The following PAN3 variants were observed in gnomAD, a reference collection of about 807,000 sequenced individuals.
PAN3 encodes the protein PAN2-PAN3 deadenylation complex subunit PAN3.
A neutral mutation model predicts 96.2 loss-of-function variants in PAN3; 19 were observed. That is an observed-to-expected ratio of 0.20 (90% confidence interval 0.14 to 0.29). PAN3 has a LOEUF of 0.29. PAN3 is among the 10% of genes least tolerant of loss of function. The pLI is 1.00. For missense variants in PAN3, 882 were observed against 1,108.1 expected (o/e 0.80, Z 2.90); for synonymous variants, 433 against 406.6 (o/e 1.06, Z -0.78).
At chr13:28,253,530 C>T (rs1358707977) in intron 6 of PAN3, among the ~76,000 whole-genome samples, 1 of 150,712 alleles carries the variant, frequency 6.6e-6, no homozygotes, top group South Asian at 2.1e-4. Context: ...TCCTATTATC[C>T]TTATTGGCGG....
chr13:28,181,504 CAAAAAAAAAAAAA>C (rs894039087), intron 4 of PAN3, among the ~76,000 whole-genome samples: 1 of 57,268 alleles, frequency 1.7e-5, no homozygotes, highest in East Asian at 6.1e-4. Flanking sequence ...AACCCTGTCT[CAAAAAAAAAAAAA>C]AAAAAAAAAA....
intron 5 of PAN3, among the ~76,000 whole-genome samples, chr13:28,210,986 C>T (rs956805555): frequency 6.6e-6 from 1 of 152,042 alleles, no homozygotes; most frequent in African/African-American, 2.4e-5. Context: ...CTCACTGCAG[C>T]CTTCACCTCC....
In PAN3 at chr13:28,197,172, T is replaced by G. The variant is rs376399343; in HGVS notation, c.691-13T>G. 40 of 1,609,824 alleles carry G rather than the reference T, an allele frequency of 2.5e-5. No homozygotes were observed. Among genetic ancestry groups the G allele is most frequent in the Admixed American group, 5.0e-5 (3 of 59,408 alleles). On this transcript the variant is annotated splice_polypyrimidine_tract_variant and intron_variant, in intron 4 of 18. Transcript: ENST00000380958. ...GTTAGGAGTGGCCTGGTTTCTTTCC[T>G]TCTTTTTCCTAGCCAAGGAAGTATC...
In PAN3 at chr13:28,152,917, G is replaced by T. The variant is rs953976702; in HGVS notation, c.430+13830G>T. On this transcript the variant is annotated intron_variant, in intron 1 of 18. Coordinates refer to ENST00000380958, the MANE Select transcript of PAN3 (RefSeq NM_175854.8). The stretch of plus-strand genomic sequence containing the variant: ...TGATACCTAGTGTTTGTGTGGGTAT[G>T]GGGGGGAAAAGACACTCTGGTATGA... Among the ~76,000 whole-genome samples the T allele has an allele frequency of 2.0e-5, 3 of 152,060 alleles. No individual in the cohort carries two copies. The East Asian group carries it at 5.8e-4, about 29-fold the overall frequency.
At chr13:28,199,611 G>A (rs1272420426) in intron 5 of PAN3, among the ~76,000 whole-genome samples, 1 of 152,080 alleles carries the variant, frequency 6.6e-6, no homozygotes, top group Non-Finnish European at 1.5e-5. Flanking sequence ...TACTGTCTGT[G>A]TAGATTCCAA....
chr13:28,267,426 A>G (rs1209080670), intron 12 of PAN3, 25 bp downstream of exon 12: 3 of 1,546,770 alleles, frequency 1.9e-6, no homozygotes, highest in East Asian at 4.5e-5. Flanking sequence ...CAGGCAAACT[A>G]TATTTTGACT....
At position 28,141,398 on chromosome 13, in the gene PAN3, C is replaced by A. The variant is rs1238862900; in HGVS notation, c.430+2311C>A. Among the ~76,000 whole-genome samples, 3 of 149,552 alleles carry A rather than the reference C, an allele frequency of 2.0e-5. No homozygotes were observed. The East Asian group carries it at 5.9e-4, about 29-fold the overall frequency. On this transcript the variant is annotated intron_variant, in intron 1 of 18. Coordinates refer to ENST00000380958, the MANE Select transcript of PAN3 (RefSeq NM_175854.8). The stretch of plus-strand genomic sequence containing the variant: ...AAAAAACTTTTAAAGTTTTATTTAT[C>A]TATTAATCTTATTCCTGACAGACAG...
chr13:28,219,299 T>C (rs1489006793), intron 5 of PAN3, among the ~76,000 whole-genome samples: 1 of 152,210 alleles, frequency 6.6e-6, no homozygotes, highest in African/African-American at 2.4e-5. Flanking sequence ...ATTTAGCATT[T>C]GTTCTATATT....
intron 1 of PAN3, among the ~76,000 whole-genome samples, chr13:28,158,323 G>A (rs1429289403): frequency 1.3e-5 from 2 of 152,000 alleles, no homozygotes; most frequent in African/African-American, 2.4e-5. Flanking sequence ...AAGCAATGGC[G>A]ACAACAACAA....
intron 17 of PAN3, among the ~76,000 whole-genome samples, chr13:28,283,238 AG>A (rs1868518882): frequency 6.6e-6 from 1 of 152,068 alleles, no homozygotes; most frequent in Non-Finnish European, 1.5e-5. Flanking sequence ...TGGTAGAGAC[AG>A]GGTTTCACCA....
intron 6 of PAN3, among the ~76,000 whole-genome samples, chr13:28,252,594 C>T (rs921529637): frequency 6.6e-6 from 1 of 151,874 alleles, no homozygotes; most frequent in African/African-American, 2.4e-5. Context: ...CTGTGTTGTT[C>T]CTTACTTTTA....
intron 10 of PAN3, 33 bp downstream of exon 10, chr13:28,266,909 G>GT (rs1886231950): frequency 2.0e-6 from 3 of 1,491,898 alleles, no homozygotes. Flanking sequence ...TTTTATAATC[G>GT]TATCATTGAG....
chr13:28,148,898 G>A (rs1318566772), intron 1 of PAN3, among the ~76,000 whole-genome samples: 1 of 152,002 alleles, frequency 6.6e-6, no homozygotes, highest in Non-Finnish European at 1.5e-5. Flanking sequence ...CTTTATAATG[G>A]ATATTTTAGT....
chr13:28,181,362 T>C (rs893981082), intron 4 of PAN3, among the ~76,000 whole-genome samples: 1 of 151,790 alleles, frequency 6.6e-6, no homozygotes, highest in African/African-American at 2.4e-5. Flanking sequence ...CCAAAAACAT[T>C]AGCCAGGAGT....
chr13:28,181,566 A>G (rs1416033850), intron 4 of PAN3, among the ~76,000 whole-genome samples: 2 of 151,774 alleles, frequency 1.3e-5, no homozygotes, highest in Non-Finnish European at 2.9e-5. Context: ...GGTCACAGCC[A>G]TATATCTAGG....
intron 6 of PAN3, among the ~76,000 whole-genome samples, chr13:28,240,688 A>G (rs1272869357): frequency 2.0e-5 from 3 of 152,168 alleles, no homozygotes; most frequent in African/African-American, 7.2e-5. Flanking sequence ...GATTCTTATT[A>G]CCTTGTTAAG....
At position 28,138,734 on chromosome 13, in the gene PAN3, CGGTGGT is replaced by C; in HGVS notation, c.80_85del (p.Val27_Val28del). The C allele has an allele frequency of 1.7e-6, 2 of 1,211,504 alleles. No homozygotes were observed. The highest frequency in any genetic ancestry group is 2.1e-6 in the Non-Finnish European group (2 of 956,980). The allele number at this position is 1,211,504 out of a possible 1,614,324, so 75.0% of individuals were successfully genotyped here. ...TCCTCCTCGCTGGCGGCGGCGGTGG[CGGTGGT>C]GGCCCCGCCGGGGGTCGGGGGTGTC... On this transcript the variant is annotated inframe_deletion, in exon 1 of 19. Coordinates refer to ENST00000380958, the MANE Select transcript of PAN3 (RefSeq NM_175854.8).
intron 6 of PAN3, among the ~76,000 whole-genome samples, chr13:28,251,747 C>T (rs1036393018): frequency 1.3e-5 from 2 of 152,118 alleles, no homozygotes; most frequent in African/African-American, 4.8e-5. Flanking sequence ...GGCCACATTT[C>T]GTGTACCCTT....
chr13:28,250,375 A>AT (rs994953108), intron 6 of PAN3, among the ~76,000 whole-genome samples: 18 of 150,756 alleles, frequency 1.2e-4, no homozygotes, highest in African/African-American at 1.9e-4. Context: ...ATTTAATTTA[A>AT]TTTTTTTTTG....
Sources: allele counts gnomAD v4.1 joint callset (sites outside exome capture counted in the v4.1 genomes callset), GRCh38; gene constraint gnomAD v4.1.1; transcripts MANE v1.5; gene names NCBI Gene and HGNC (gene_info 2026-07-23, HGNC 2026-07-21).